Variants in PIWIL2 observed in about 807,000 individuals in gnomAD.
PIWIL2 encodes piwi like RNA-mediated gene silencing 2.
A neutral mutation model predicts 116.5 loss-of-function variants in PIWIL2; 81 were observed. The ratio of observed to expected loss-of-function variants is 0.70; its 90% CI spans 0.58 to 0.84. The LOEUF is 0.84. Ranked by LOEUF, PIWIL2 falls within the 40% of genes least tolerant of loss-of-function variation. The probability of loss-of-function intolerance (pLI) is 0.00; values close to 1 mark genes in which losing one functional copy is unlikely to be tolerated. For missense variants in PIWIL2, 1,272 were observed against 1,212.3 expected (o/e 1.05, Z -0.73); for synonymous variants, 489 against 429.5 (o/e 1.14, Z -1.71).
In PIWIL2 at chr8:22,356,921, G is replaced by A. The variant is rs1005289304; in HGVS notation, c.*1416G>A. On this transcript the variant is annotated 3_prime_UTR_variant, in exon 23 of 23. Coordinates refer to ENST00000356766, the MANE Select transcript of PIWIL2 (RefSeq NM_018068.5). ...TTCGGGCCTAGTTCTGTCTCATCTT[G>A]CTTTATTGGGTTTTAAAAACCGGTC... 8 of 151,902 alleles carry A rather than the reference G, an allele frequency of 5.3e-5. No homozygotes were observed. Among genetic ancestry groups the A allele is most frequent in the African/African-American group, 1.7e-4 (7 of 41,428 alleles). 9.4% of individuals were successfully genotyped at this position (151,902 alleles called of 1,614,324 possible). A position where few individuals can be genotyped will look rare whatever the true frequency, so the allele number is the denominator to read the frequency against.
chr8:22,331,044 T>TG (rs1211135917), intron 20 of PIWIL2, among the ~76,000 whole-genome samples: 3 of 151,686 alleles, frequency 2.0e-5, no homozygotes, highest in Non-Finnish European at 4.4e-5. Flanking sequence ...GGTGTGGTGG[T>TG]GGACTCCTGT....
chr8:22,347,771 C>T (rs1832263508), intron 20 of PIWIL2, among the ~76,000 whole-genome samples: 1 of 151,754 alleles, frequency 6.6e-6, no homozygotes, highest in African/African-American at 2.4e-5. Context: ...AGGTGATCCG[C>T]CCACCTCGGC....
intron 19 of PIWIL2, 106 bp downstream of exon 19, chr8:22,316,439 A>T: frequency 4.2e-6 from 3 of 721,268 alleles, no homozygotes; most frequent in Admixed American, 2.5e-5. Context: ...CAATATAAAG[A>T]TTTCTAAACA....
chr8:22,319,047 C>T (rs1378110303), intron 20 of PIWIL2, among the ~76,000 whole-genome samples: 1 of 152,202 alleles, frequency 6.6e-6, no homozygotes, highest in African/African-American at 2.4e-5. Flanking sequence ...TAAGCTGATA[C>T]TGGATCTAGA....
At chr8:22,319,136 A>G (rs1248406334) in intron 20 of PIWIL2, among the ~76,000 whole-genome samples, 1 of 152,204 alleles carries the variant, frequency 6.6e-6, no homozygotes, top group South Asian at 2.1e-4. Context: ...TTCATTTCTT[A>G]GGGTCAGGGT....
chr8:22,320,902 A>G (rs1831582987), intron 20 of PIWIL2, among the ~76,000 whole-genome samples: 1 of 152,054 alleles, frequency 6.6e-6, no homozygotes, highest in Non-Finnish European at 1.5e-5. Flanking sequence ...CACTGTGGCT[A>G]TTTTGTAAAA....
intron 20 of PIWIL2, among the ~76,000 whole-genome samples, chr8:22,320,137 A>G (rs746533302): frequency 5.9e-4 from 89 of 150,102 alleles, no homozygotes; most frequent in Middle Eastern, 3.4e-3. Flanking sequence ...TAATTTTTGT[A>G]TTTTTAGTAG....
chr8:22,342,383 A>G (rs1832130747), intron 20 of PIWIL2, among the ~76,000 whole-genome samples: 1 of 152,230 alleles, frequency 6.6e-6, no homozygotes, highest in Non-Finnish European at 1.5e-5. Context: ...GACTTACTGT[A>G]AAAACTACGG....
At position 22,316,263 on chromosome 8, in the gene PIWIL2, G is replaced by A. The variant is rs200713546; in HGVS notation, c.2227G>A (p.Gly743Arg). The A allele has an allele frequency of 9.3e-6, 15 of 1,612,406 alleles. No individual in the cohort carries two copies. The highest frequency in any genetic ancestry group is 1.1e-5 in the Non-Finnish European group (13 of 1,178,554). ...DIPLKQLMVIGMDVYHDPSRG... is the reference protein window; with the variant it reads ...DIPLKQLMVIRMDVYHDPSRG... The stretch of plus-strand genomic sequence containing the variant: ...AAACTAGAAACAGTTAATGGTGATC[G>A]GGATGGATGTTTACCATGACCCCAG... The change falls in exon 19 of 23, where the codon GGG becomes AGG. Residue 743 changes from glycine to arginine, a missense_variant. Transcript: ENST00000356766.
intron 20 of PIWIL2, among the ~76,000 whole-genome samples, chr8:22,338,541 G>A (rs1464605228): frequency 1.3e-5 from 2 of 151,628 alleles, no homozygotes; most frequent in African/African-American, 4.8e-5. Flanking sequence ...AAACGCAAAA[G>A]AACAGCTGGG....
rs1321513521 is a variant in PIWIL2 at position 22,306,002 on chromosome 8, T to C, written c.1531T>C (p.Phe511Leu). Reference sequence around the variant, plus strand: ...AATCCCAGAGAAGATGAAGAAGGACTTCAGAGCCATGAAGGTTGGAGTCCT... The same window carrying C: ...AATCCCAGAGAAGATGAAGAAGGACCTCAGAGCCATGAAGGTTGGAGTCCT... ...TGIPEKMKKD[F>L]RAMKDLAQQI... Residue 511 changes from phenylalanine to leucine, a missense_variant, in exon 13 of 23, where the codon TTC (phenylalanine) becomes CTC (leucine). Physicochemically the swap from Phe to Leu is conservative, Grantham distance 22. Coordinates refer to ENST00000356766, the MANE Select transcript of PIWIL2 (RefSeq NM_018068.5). The C allele has an allele frequency of 6.2e-7, 1 of 1,613,218 alleles. No individual in the cohort carries two copies.
At chr8:22,322,532 G>A (rs371470334) in intron 20 of PIWIL2, among the ~76,000 whole-genome samples, 1 of 152,154 alleles carries the variant, frequency 6.6e-6, no homozygotes, top group Admixed American at 6.5e-5. Context: ...GTCCCAGAGT[G>A]CTGGGATTAT....
intron 16 of PIWIL2, among the ~76,000 whole-genome samples, chr8:22,313,162 A>G (rs572259653): frequency 1.3e-5 from 2 of 152,276 alleles, no homozygotes; most frequent in East Asian, 3.9e-4. Flanking sequence ...TCGCTTACCA[A>G]CTTATCTCAT....
At chr8:22,290,174 G>T in intron 9 of PIWIL2, 59 bp from the exon 10 acceptor site, 2 of 989,024 alleles carry the variant, frequency 2.0e-6, no homozygotes, top group African/African-American at 1.6e-5. Flanking sequence ...TTCACATGGG[G>T]GCATGGAAGT....
At chr8:22,328,643 A>C (rs1331390785) in intron 20 of PIWIL2, among the ~76,000 whole-genome samples, 1 of 151,960 alleles carries the variant, frequency 6.6e-6, no homozygotes, top group Non-Finnish European at 1.5e-5. Context: ...ATAAGTCTTT[A>C]CCTGTTTGGT....
chr8:22,319,257 A>G (rs973875161), intron 20 of PIWIL2, among the ~76,000 whole-genome samples: 1 of 152,182 alleles, frequency 6.6e-6, no homozygotes, highest in Non-Finnish European at 1.5e-5. Context: ...AATGTTTCCT[A>G]TAGCATCCTG....
At chr8:22,283,275 T>C (rs776443066) in intron 5 of PIWIL2, 35 bp downstream of exon 5, 1 of 1,527,716 alleles carries the variant, frequency 6.5e-7, no homozygotes, top group Admixed American at 1.7e-5. Context: ...TACTTAGTAA[T>C]GATCGTGAAA....
intron 10 of PIWIL2, among the ~76,000 whole-genome samples, chr8:22,303,806 T>C (rs1831109446): frequency 6.6e-6 from 1 of 152,126 alleles, no homozygotes. Flanking sequence ...CTCCAACTTC[T>C]GGGTTCAAGC....
intron 17 of PIWIL2, 78 bp downstream of exon 17, chr8:22,314,507 C>A: frequency 1.6e-6 from 1 of 644,328 alleles, no homozygotes; most frequent in South Asian, 2.9e-5. Context: ...TATGTGTGTT[C>A]ACAAAGACTA....
Sources: allele counts gnomAD v4.1 joint callset (sites outside exome capture counted in the v4.1 genomes callset), GRCh38; gene constraint gnomAD v4.1.1; transcripts MANE v1.5; gene names NCBI Gene and HGNC (gene_info 2026-07-23, HGNC 2026-07-21).